The following TAFA1 variants were observed in gnomAD, a reference collection of about 807,000 sequenced individuals.
TAFA1 encodes chemokine-like protein TAFA-1.
Under a neutral mutation model 18.5 loss-of-function variants are expected in TAFA1, and 4 were observed. The ratio of observed to expected loss-of-function variants is 0.22; its 90% confidence interval spans 0.11 to 0.49. TAFA1 has a LOEUF of 0.49. Among genes scored for constraint, TAFA1 ranks in the 20% least tolerant of loss-of-function variants. The probability of loss-of-function intolerance (pLI) is 0.98; values close to 1 mark genes in which losing one functional copy is unlikely to be tolerated. For synonymous variants in TAFA1, 56 were observed against 55.2 expected, an observed-to-expected ratio of 1.01 and a Z score of -0.06; for missense variants, 147 against 169.0, an observed-to-expected ratio of 0.87 and a Z score of 0.72.
intron 2 of TAFA1, among the ~76,000 whole-genome samples, chr3:68,024,805 G>GCGCACA (rs911558044): frequency 4.1e-5 from 3 of 73,646 alleles, no homozygotes; most frequent in South Asian, 6.0e-4. Context: ...TCTCCTTAAT[G>GCGCACA]CACACACACA....
chr3:68,421,022 T>G (rs2070946367), intron 3 of TAFA1, among the ~76,000 whole-genome samples: 1 of 152,186 alleles, frequency 6.6e-6, no homozygotes, highest in Admixed American at 6.6e-5. Flanking sequence ...AAATCTTCAT[T>G]TTGTTTCCAG....
intron 2 of TAFA1, among the ~76,000 whole-genome samples, chr3:68,312,981 G>A (rs969907646): frequency 6.6e-6 from 1 of 152,126 alleles, no homozygotes; most frequent in East Asian, 1.9e-4. Context: ...TTACATGGGT[G>A]GTGGCAGGCA....
chr3:68,205,830 T>C (rs2066520394), intron 2 of TAFA1, among the ~76,000 whole-genome samples: 1 of 151,790 alleles, frequency 6.6e-6, no homozygotes, highest in Non-Finnish European at 1.5e-5. Flanking sequence ...GGTAGCAAAA[T>C]ATTTACATAA....
At chr3:68,134,359 G>A (rs1210925192) in intron 2 of TAFA1, among the ~76,000 whole-genome samples, 1 of 117,314 alleles carries the variant, frequency 8.5e-6, no homozygotes, top group African/African-American at 3.1e-5. Flanking sequence ...CTGAGTGCGT[G>A]TGTGTGTGTG....
chr3:68,499,335 A>T (rs973629667), intron 3 of TAFA1, among the ~76,000 whole-genome samples: 3 of 151,574 alleles, frequency 2.0e-5, no homozygotes. Flanking sequence ...CCAAAATGGC[A>T]GACTGAACCA....
At chr3:68,489,705 G>A (rs2072415354) in intron 3 of TAFA1, among the ~76,000 whole-genome samples, 4 of 152,156 alleles carry the variant, frequency 2.6e-5, no homozygotes, top group Admixed American at 2.6e-4. Context: ...TCAAGGCAGT[G>A]GCACCAAAAT....
chr3:68,107,579 G>C (rs999096234), intron 2 of TAFA1, among the ~76,000 whole-genome samples: 3 of 152,038 alleles, frequency 2.0e-5, no homozygotes, highest in African/African-American at 7.2e-5. Context: ...TTCTTCTAAT[G>C]TTTTCAATTG....
At chr3:68,336,989 CT>C (rs2068980517) in intron 2 of TAFA1, among the ~76,000 whole-genome samples, 1 of 152,120 alleles carries the variant, frequency 6.6e-6, no homozygotes, top group Admixed American at 6.5e-5. Context: ...TCCCAAAGTG[CT>C]GGGATTACAG....
rs545155394 is a variant in TAFA1, at chr3:68,079,264, C to T, written c.118+72520C>T. On this transcript the variant is annotated intron_variant, in intron 2 of 4. Coordinates refer to ENST00000478136, the MANE Select transcript of TAFA1 (RefSeq NM_213609.4). ...TTAGTTGATCCTTTCAAAAAACCAG[C>T]TCCTGGATTCATTGATTTTTTGAAG... 1.7e-3 allele frequency among the ~76,000 whole-genome samples: 261 copies of T among 152,292 alleles called. 1 individual carries two copies. The highest frequency in any genetic ancestry group is 5.9e-3 in the Admixed American group (91 of 15,300).
chr3:68,033,808 A>T (rs1471662411), intron 2 of TAFA1, among the ~76,000 whole-genome samples: 3 of 152,356 alleles, frequency 2.0e-5, no homozygotes, highest in Admixed American at 1.3e-4. Context: ...TAAATGCTGG[A>T]AATACAATTT....
chr3:68,320,806 C>A lies in TAFA1; in HGVS notation c.119-96474C>A, dbSNP rs2106705052. Among the ~76,000 whole-genome samples, 2 of 152,216 alleles carry A rather than the reference C, an allele frequency of 1.3e-5. 1 individual carries two copies. The highest frequency in any genetic ancestry group is 4.2e-4 in the South Asian group (2 of 4,816). On this transcript the variant is annotated intron_variant, in intron 2 of 4. Coordinates refer to ENST00000478136, the MANE Select transcript of TAFA1 (RefSeq NM_213609.4). ...GGCAGGAATTTGAGAAAGCATGCACCCTGAGAATAGGCTGCACCCCAGAGG... is the reference window on the plus strand; with the variant it reads ...GGCAGGAATTTGAGAAAGCATGCACACTGAGAATAGGCTGCACCCCAGAGG...
At chr3:68,301,259 T>G (rs1157189650) in intron 2 of TAFA1, among the ~76,000 whole-genome samples, 1 of 152,160 alleles carries the variant, frequency 6.6e-6, no homozygotes, top group Admixed American at 6.5e-5. Context: ...TATTATAAAC[T>G]TCATCCTCCT....
At chr3:68,086,952 A>G (rs1461508061) in intron 2 of TAFA1, among the ~76,000 whole-genome samples, 4 of 152,214 alleles carry the variant, frequency 2.6e-5, no homozygotes, top group Non-Finnish European at 4.4e-5. Flanking sequence ...TTTCAAAATG[A>G]AAAGGGTCTT....
chr3:68,025,319 A>G (rs1704791538), intron 2 of TAFA1, among the ~76,000 whole-genome samples: 1 of 151,956 alleles, frequency 6.6e-6, no homozygotes, highest in Non-Finnish European at 1.5e-5. Flanking sequence ...CACCACCTCT[A>G]TTGCTGTCAC....
intron 2 of TAFA1, among the ~76,000 whole-genome samples, chr3:68,268,451 T>C (rs1175850504): frequency 6.6e-6 from 1 of 152,142 alleles, no homozygotes; most frequent in East Asian, 1.9e-4. Context: ...AGTTCAATTG[T>C]CAGCTAAATA....
intron 2 of TAFA1, among the ~76,000 whole-genome samples, chr3:68,261,526 C>T (rs1458236018): frequency 6.6e-6 from 1 of 152,106 alleles, no homozygotes; most frequent in African/African-American, 2.4e-5. Context: ...AAATGTCCAA[C>T]AACAATAGAC....
chr3:68,008,965 C>T (rs906886906), intron 2 of TAFA1, among the ~76,000 whole-genome samples: 4 of 152,108 alleles, frequency 2.6e-5, no homozygotes, highest in Admixed American at 1.3e-4. Context: ...AAAATAACTT[C>T]GAATAAGTCT....
chr3:68,357,870 G>A (rs545849774), intron 2 of TAFA1, among the ~76,000 whole-genome samples: 1 of 151,990 alleles, frequency 6.6e-6, no homozygotes, highest in African/African-American at 2.4e-5. Context: ...TTAGATTTGG[G>A]ATCTTGGAAA....
intron 2 of TAFA1, among the ~76,000 whole-genome samples, chr3:68,280,635 T>C (rs1436030174): frequency 6.6e-6 from 1 of 152,040 alleles, no homozygotes; most frequent in Non-Finnish European, 1.5e-5. Context: ...TTCCCCCTTC[T>C]GCACAGTGGG....
Sources: allele counts gnomAD v4.1 joint callset (sites outside exome capture counted in the v4.1 genomes callset), GRCh38; gene constraint gnomAD v4.1.1; transcripts MANE v1.5; gene names NCBI Gene and HGNC (gene_info 2026-07-23, HGNC 2026-07-21).